SH3TC1: variants seen among roughly 807,000 people sequenced by gnomAD.
SH3TC1 encodes SH3 domain and tetratricopeptide repeats 1.
SH3TC1 carries 135 observed loss-of-function variants against 117.3 expected under a neutral mutation model. The ratio of observed to expected loss-of-function variants is 1.15; its 90% confidence interval spans 1.00 to 1.33. The LOEUF (loss-of-function observed/expected upper bound fraction) is 1.33, where lower values mean the gene tolerates loss of function less well. Among genes scored for constraint, SH3TC1 ranks in the 40% most tolerant of loss-of-function variants. The pLI, the probability that SH3TC1 is intolerant of heterozygous loss-of-function variation, is 0.00. For missense variants in SH3TC1, 2,092 were observed against 1,794.3 expected (o/e 1.17, Z -3.00); for synonymous variants, 898 against 816.9 (o/e 1.10, Z -1.69).
chr4:8,221,075 C>T (rs1048628611), intron 9 of SH3TC1, among the ~76,000 whole-genome samples: 5 of 152,220 alleles, frequency 3.3e-5, no homozygotes, highest in African/African-American at 9.6e-5. Context: ...CTTACTTAAC[C>T]TCCAGAATCC....
rs1211652128 is a variant in SH3TC1 at position 8,206,617 on chromosome 4, C to T, written c.172+1251C>T. Among the ~76,000 whole-genome samples, 4 of 151,896 alleles carry T rather than the reference C, an allele frequency of 2.6e-5. No individual in the cohort carries two copies. Among genetic ancestry groups the T allele is most frequent in the African/African-American group, 9.7e-5 (4 of 41,356 alleles). On this transcript the variant is annotated intron_variant, in intron 2 of 17. Transcript: ENST00000245105. This position sits in a 1 kb window ranked among gnomAD's most constrained non-coding sequence, Gnocchi z 5.5. ...TCTCCCTGGAGTGAATCTCTGTGGA[C>T]CGAGCGGAGGGGAGCTGAGGAAACT...
In SH3TC1 at chr4:8,186,420, C is replaced by G. The variant is rs368314083; in HGVS notation, c.-57+4210C>G. Among the ~76,000 whole-genome samples, 14 of 152,254 alleles carry G rather than the reference C, an allele frequency of 9.2e-5. No individual in the cohort carries two copies. The South Asian group carries it at 1.2e-3, about 14-fold the overall frequency. On this transcript the variant is annotated intron_variant, in intron 1 of 16. Coordinates refer to the SH3TC1 transcript ENST00000508641. This position sits in a 1 kb window ranked among gnomAD's most constrained non-coding sequence, Gnocchi z 5.2. ...ACGTGGTGTCCCCCATGGGCTTCTGCGTGGAGCAGAAGACGGATGTTAGGG... is the reference window on the plus strand; with the variant it reads ...ACGTGGTGTCCCCCATGGGCTTCTGGGTGGAGCAGAAGACGGATGTTAGGG...
rs376174704 is a variant in SH3TC1 at position 8,192,447 on chromosome 4, CTTTAT to C, written c.-57+10285_-57+10289del. 0.15 allele frequency among the ~76,000 whole-genome samples: 20,299 copies of C among 138,364 alleles called. 1,559 individuals carry two copies. Among genetic ancestry groups the C allele is most frequent in the South Asian group, 0.19 (812 of 4,252 alleles). 90.8% of individuals were successfully genotyped at this position (138,364 alleles called of 152,430 possible). On this transcript the variant is annotated intron_variant, in intron 1 of 16. Transcript: ENST00000508641. The surrounding 1 kb of genome is among the most constrained non-coding windows in gnomAD (Gnocchi z 4.1). ...ACAATCTTCTTATCCAACCACTTGT[CTTTAT>C]TTTATTTTATTTTATTTTATTTTAT...
rs1371014396 is a variant in SH3TC1, at chr4:8,210,235, G to A, written c.247+413G>A. ...AGGTGGAGGGAGGCAGCCCTGGGCCGGGGAGCAGAGCCCACAAAGGGGGCC... is the reference window on the plus strand; with the variant it reads ...AGGTGGAGGGAGGCAGCCCTGGGCCAGGGAGCAGAGCCCACAAAGGGGGCC... On this transcript the variant is annotated intron_variant, in intron 3 of 17. Coordinates refer to ENST00000245105, the MANE Select transcript of SH3TC1 (RefSeq NM_018986.5). This position sits in a 1 kb window ranked among gnomAD's most constrained non-coding sequence, Gnocchi z 4.1. Among the ~76,000 whole-genome samples, 5 of 152,160 alleles carry A rather than the reference G, an allele frequency of 3.3e-5. No individual in the cohort carries two copies. Among genetic ancestry groups the A allele is most frequent in the African/African-American group, 9.7e-5 (4 of 41,446 alleles).
chr4:8,207,355 T>C (rs1444023259), intron 2 of SH3TC1, among the ~76,000 whole-genome samples: 1 of 152,250 alleles, frequency 6.6e-6, no homozygotes, highest in Non-Finnish European at 1.5e-5. Flanking sequence ...AAGGGGCGGC[T>C]GCCAGTTCTC....
At chr4:8,182,334 G>C (rs1717102293) in intron 1 of SH3TC1, 1 of 152,258 alleles carries the variant, frequency 6.6e-6, no homozygotes, top group Admixed American at 6.5e-5. Context: ...GTTTTCATGG[G>C]GAGGGTGCAC....
chr4:8,225,223 T>C lies in SH3TC1; in HGVS notation c.1285+7T>C. 6.2e-7 allele frequency: 1 copy of C among 1,613,218 alleles called. No homozygotes were observed. Among genetic ancestry groups the C allele is most frequent in the Non-Finnish European group, 8.5e-7 (1 of 1,179,686 alleles). Reference sequence around the variant, plus strand: ...GAGCAGCCGCAGGAAAAAGGTGGGTTTTGCCAGTGGCTCAGGCTTCCTCTG... The same window carrying C: ...GAGCAGCCGCAGGAAAAAGGTGGGTCTTGCCAGTGGCTCAGGCTTCCTCTG... On this transcript the variant is annotated splice_region_variant and intron_variant, in intron 11 of 17. Transcript: ENST00000245105. The surrounding 1 kb of genome is among the most constrained non-coding windows in gnomAD (Gnocchi z 5.5).
Position 8,227,165 on chromosome 4 carries a change from G to T in SH3TC1, c.1471G>T (p.Asp491Tyr), listed in dbSNP as rs1340591171. The T allele has an allele frequency of 2.5e-6, 4 of 1,604,108 alleles. No individual in the cohort carries two copies. The highest frequency in any genetic ancestry group is 3.4e-6 in the Non-Finnish European group (4 of 1,175,886). ...EEPSFCLEAE[D>Y]DWEDPEALSS... is the part of the protein sequence containing the mutation. ...GCCCTCCTTCTGCTTGGAAGCCGAG[G>T]ACGACTGGGAGGACCCAGAGGCCCT... The change falls in exon 12 of 18, where the codon GAC becomes TAC. Residue 491 changes from aspartate to tyrosine, a missense_variant. By Grantham distance (160) the Asp-to-Tyr change is radical. Transcript: ENST00000245105.
rs1283737169 is a variant in SH3TC1 at position 8,227,429 on chromosome 4, G to A, written c.1735G>A (p.Ala579Thr). ...CAGCAGGAGGCTCAAGCTGTCCCAG[G>A]CCCGGGTGTACTTTGAGGAAGCGCT... Reference protein sequence around the residue: ...LCSRRLKLSQARVYFEEALGA... With the variant: ...LCSRRLKLSQTRVYFEEALGA... Residue 579 changes from alanine to threonine, a missense_variant, in exon 12 of 18, where the codon GCC becomes ACC. Coordinates refer to ENST00000245105, the MANE Select transcript of SH3TC1 (RefSeq NM_018986.5). 1 of 1,556,828 alleles carries A rather than the reference G, an allele frequency of 6.4e-7. No individual in the cohort carries two copies. Among genetic ancestry groups the A allele is most frequent in the Non-Finnish European group, 8.7e-7 (1 of 1,154,914 alleles).
intron 17 of SH3TC1, among the ~76,000 whole-genome samples, chr4:8,237,946 G>A (rs1721973316): frequency 6.6e-6 from 1 of 152,174 alleles, no homozygotes; most frequent in African/African-American, 2.4e-5. Context: ...TTGTAGTCAG[G>A]GGGGCCCTCC....
intron 2 of SH3TC1, among the ~76,000 whole-genome samples, chr4:8,207,585 A>G (rs1206549574): frequency 4.6e-5 from 7 of 152,190 alleles, no homozygotes; most frequent in Non-Finnish European, 8.8e-5. Context: ...TTTCAACTCT[A>G]AGGAAGAGCT....
chr4:8,188,152 C>A (rs1228549597), intron 1 of SH3TC1, among the ~76,000 whole-genome samples: 2 of 152,246 alleles, frequency 1.3e-5, no homozygotes, highest in African/African-American at 4.8e-5. Context: ...CTCCAGGCAG[C>A]CTCCCCAGCT....
intron 4 of SH3TC1, among the ~76,000 whole-genome samples, 186 bp from the exon 5 acceptor site, chr4:8,214,289 G>C (rs1719016536): frequency 6.6e-6 from 1 of 152,168 alleles, no homozygotes; most frequent in African/African-American, 2.4e-5. Context: ...CACAGGCTCT[G>C]GGGAGCCACG....
intron 6 of SH3TC1, among the ~76,000 whole-genome samples, chr4:8,216,620 G>A (rs947534067): frequency 9.2e-5 from 14 of 152,334 alleles, no homozygotes; most frequent in African/African-American, 2.9e-4. Flanking sequence ...CAGCAGGAGG[G>A]GGCCTGCCAG....
rs1022906068 is a variant in SH3TC1, at chr4:8,206,361, C to G, written c.172+995C>G. ...GCCCACCTGGCCATGGAATCGCGTT[C>G]CCTCCAGGGCAGGCCTCATGAAAGG... On this transcript the variant is annotated intron_variant, in intron 2 of 17. Transcript: ENST00000245105. This position sits in a 1 kb window ranked among gnomAD's most constrained non-coding sequence, Gnocchi z 5.5. Among the ~76,000 whole-genome samples, 7 of 151,484 alleles carry G rather than the reference C, an allele frequency of 4.6e-5. No individual in the cohort carries two copies. Among genetic ancestry groups the G allele is most frequent in the African/African-American group, 1.7e-4 (7 of 41,206 alleles).
rs1029429286 is a variant in SH3TC1 at position 8,206,510 on chromosome 4, A to T, written c.172+1144A>T. 6.6e-6 allele frequency among the ~76,000 whole-genome samples: 1 copy of T among 151,960 alleles called. No homozygotes were observed. The highest frequency in any genetic ancestry group is 2.4e-5 in the African/African-American group (1 of 41,360). On this transcript the variant is annotated intron_variant, in intron 2 of 17. Coordinates refer to ENST00000245105, the MANE Select transcript of SH3TC1 (RefSeq NM_018986.5). The surrounding 1 kb of genome is among the most constrained non-coding windows in gnomAD (Gnocchi z 5.5). ...GGAGCTGGGAGCCTCTGGGAAGGGG[A>T]GTGGTAGGAGTTGGAAGCCTTTGCC...
intron 1 of SH3TC1, among the ~76,000 whole-genome samples, chr4:8,202,187 GA>G (rs1717884863): frequency 6.6e-6 from 1 of 152,188 alleles, no homozygotes; most frequent in Non-Finnish European, 1.5e-5. Flanking sequence ...CAGGTGCCAG[GA>G]CCGCAGTCCT....
chr4:8,219,585 G>T, intron 9 of SH3TC1, 55 bp downstream of exon 9: 1 of 1,424,480 alleles, frequency 7.0e-7, no homozygotes, highest in African/African-American at 1.4e-5. Flanking sequence ...TCACCTAAGG[G>T]GACGTTGCTG....
In SH3TC1 at chr4:8,227,957, G is replaced by GC. The variant is rs528908265; in HGVS notation, c.2269dup (p.Gln757ProfsTer128). 9 of 1,612,132 alleles carry GC rather than the reference G, an allele frequency of 5.6e-6. No individual in the cohort carries two copies. The highest frequency in any genetic ancestry group is 1.7e-5 in the Admixed American group (1 of 59,974). The stretch of plus-strand genomic sequence containing the variant: ...GAGTGTGAACCTGGTGCTCCAGAAC[G>GC]CCCCCCAGCCCCACAGCCTCCCTGC... On this transcript the variant is annotated frameshift_variant, in exon 12 of 18. Transcript: ENST00000245105. LOFTEE classifies it high-confidence loss of function.
Sources: gnomAD v4.1 joint callset for allele counts (sites outside exome capture counted in the v4.1 genomes callset) on GRCh38, gnomAD v4.1.1 for gene constraint, Gnocchi (gnomAD v3.1) non-coding constraint, MANE v1.5 for transcripts, NCBI Gene and HGNC (gene_info 2026-07-23, HGNC 2026-07-21) for gene names.